The following MAP2 variants were observed in gnomAD, a reference collection of about 807,000 sequenced individuals.
The protein encoded by MAP2 is microtubule-associated protein 2.
MAP2 carries 14 observed loss-of-function variants against 137.6 expected under a neutral mutation model. The ratio of observed to expected loss-of-function variants is 0.10; its 90% CI spans 0.07 to 0.16. The LOEUF is 0.16. Among genes scored for constraint, MAP2 ranks in the 10% least tolerant of loss-of-function variants. The pLI, the probability that MAP2 is intolerant of heterozygous loss-of-function variation, is 1.00. For synonymous variants in MAP2, 786 were observed against 782.3 expected, an observed-to-expected ratio of 1.00 and a Z score of -0.08; for missense variants, 2,088 against 2,191.5, an observed-to-expected ratio of 0.95 and a Z score of 0.94.
chr2:209,664,826 G>C (rs1464044029), intron 5 of MAP2, among the ~76,000 whole-genome samples: 1 of 151,792 alleles, frequency 6.6e-6, no homozygotes, highest in Non-Finnish European at 1.5e-5. Context: ...TAGGCTTGGT[G>C]GTGCATGCCT....
intron 2 of MAP2, among the ~76,000 whole-genome samples, chr2:209,538,530 G>A (rs1233707372): frequency 2.1e-5 from 3 of 146,278 alleles, no homozygotes; most frequent in African/African-American, 7.6e-5. Flanking sequence ...ACGGACAGAA[G>A]AGTCCTTTTT....
intron 1 of MAP2, among the ~76,000 whole-genome samples, chr2:209,475,353 A>G (rs926224216): frequency 1.3e-5 from 2 of 152,092 alleles, no homozygotes; most frequent in Admixed American, 6.6e-5. Context: ...AAGCCACTGT[A>G]TACAACTCTG....
intron 2 of MAP2, among the ~76,000 whole-genome samples, chr2:209,539,325 G>T (rs549034608): frequency 6.6e-6 from 1 of 152,164 alleles, no homozygotes; most frequent in African/African-American, 2.4e-5. Context: ...GTAGTGAATT[G>T]TTGGGTCTAA....
intron 1 of MAP2, among the ~76,000 whole-genome samples, chr2:209,470,800 G>A (rs1559203883): frequency 1.3e-5 from 2 of 152,062 alleles, no homozygotes; most frequent in Admixed American, 1.3e-4. Context: ...AATACTGAAA[G>A]GGAACACCTT....
intron 4 of MAP2, among the ~76,000 whole-genome samples, chr2:209,647,886 G>C (rs1355193833): frequency 6.6e-6 from 1 of 152,044 alleles, no homozygotes; most frequent in Non-Finnish European, 1.5e-5. Flanking sequence ...CAAATATCAA[G>C]ACAAAATTGT....
chr2:209,461,588 T>G (rs1384259355), intron 1 of MAP2, among the ~76,000 whole-genome samples: 1 of 152,254 alleles, frequency 6.6e-6, no homozygotes, highest in East Asian at 1.9e-4. Context: ...CCTGAGTAGC[T>G]GGGAGCATGT....
chr2:209,576,188 G>A (rs1213817788), intron 2 of MAP2, among the ~76,000 whole-genome samples: 1 of 152,158 alleles, frequency 6.6e-6, no homozygotes, highest in Non-Finnish European at 1.5e-5. Context: ...TGGAGTCATA[G>A]TATCTCATCA....
chr2:209,510,696 A>G (rs1167773018), intron 2 of MAP2, among the ~76,000 whole-genome samples: 1 of 152,074 alleles, frequency 6.6e-6, no homozygotes, highest in East Asian at 1.9e-4. Flanking sequence ...GATGCTTGTA[A>G]AGGAATACTC....
chr2:209,474,722 G>A (rs4673481), intron 1 of MAP2, among the ~76,000 whole-genome samples: 81,068 of 151,708 alleles, frequency 0.53, 22,481 homozygotes, highest in Middle Eastern at 0.62. Context: ...CTTAAAGCTC[G>A]AAATGGGTGA....
intron 2 of MAP2, among the ~76,000 whole-genome samples, chr2:209,537,748 G>A (rs911148882): frequency 6.6e-6 from 1 of 152,156 alleles, no homozygotes; most frequent in Admixed American, 6.5e-5. Context: ...GACTTAGAGT[G>A]AAGACTCTCT....
Position 209,694,074 on chromosome 2 carries a change from C to T in MAP2, c.1904C>T (p.Ala635Val). ...CAGCCCAGTCCTCCAGCACAAGAAG[C>T]AGGGTACAGCACTCTCGCACAGAGT... Reference protein sequence around the residue: ...ESQPSPPAQEAGYSTLAQSYP... With the variant: ...ESQPSPPAQEVGYSTLAQSYP... Residue 635 changes from alanine (A) to valine (V), a missense_variant, in exon 8 of 16, where the codon GCA (alanine) becomes GTA (valine). This residue lies in a region of MAP2 where 859 missense variants were observed against 794.5 expected (regional missense o/e 1.08). Transcript: ENST00000682079. The T allele has an allele frequency of 1.9e-6, 3 of 1,613,014 alleles. No individual in the cohort carries two copies. The highest frequency in any genetic ancestry group is 2.5e-6 in the Non-Finnish European group (3 of 1,179,644).
At chr2:209,479,926 C>T (rs1182595989) in intron 1 of MAP2, among the ~76,000 whole-genome samples, 1 of 152,126 alleles carries the variant, frequency 6.6e-6, no homozygotes, top group African/African-American at 2.4e-5. Context: ...TGGTTTTGCA[C>T]AACTGAGCCT....
intron 2 of MAP2, among the ~76,000 whole-genome samples, chr2:209,555,919 A>G (rs2070451895): frequency 6.6e-6 from 1 of 151,910 alleles, no homozygotes; most frequent in African/African-American, 2.4e-5. Flanking sequence ...AAGACAGCCT[A>G]GTGGTTGTGT....
At chr2:209,484,458 G>A (rs1410451996) in intron 1 of MAP2, among the ~76,000 whole-genome samples, 3 of 152,304 alleles carry the variant, frequency 2.0e-5, no homozygotes, top group South Asian at 2.1e-4. Flanking sequence ...TTGGGAGGCC[G>A]AGGTGGGTCA....
intron 2 of MAP2, among the ~76,000 whole-genome samples, chr2:209,551,673 A>T (rs2069197464): frequency 6.6e-6 from 1 of 152,130 alleles, no homozygotes; most frequent in South Asian, 2.1e-4. Flanking sequence ...AATTTCTATG[A>T]TTTGAGCAAG....
chr2:209,623,418 C>T (rs1387132345), intron 3 of MAP2, among the ~76,000 whole-genome samples: 1 of 152,036 alleles, frequency 6.6e-6, no homozygotes, highest in Non-Finnish European at 1.5e-5. Flanking sequence ...ACACACTTAT[C>T]CATATGCATA....
intron 4 of MAP2, among the ~76,000 whole-genome samples, chr2:209,644,272 CTAT>C (rs1312422103): frequency 6.6e-6 from 1 of 152,128 alleles, no homozygotes; most frequent in Non-Finnish European, 1.5e-5. Flanking sequence ...CATGTGGTTT[CTAT>C]TATGATTACT....
intron 1 of MAP2, among the ~76,000 whole-genome samples, chr2:209,494,052 G>A (rs575063021): frequency 6.6e-6 from 1 of 152,280 alleles, no homozygotes; most frequent in African/African-American, 2.4e-5. Flanking sequence ...ATCAATGTTA[G>A]ACTGGATAAA....
At chr2:209,660,710 T>C (rs1398540550) in intron 5 of MAP2, among the ~76,000 whole-genome samples, 2 of 126,492 alleles carry the variant, frequency 1.6e-5, no homozygotes, top group African/African-American at 6.4e-5. Flanking sequence ...CAATTATTAT[T>C]ATTATTATTA....
Sources: gnomAD v4.1 joint callset for allele counts (sites outside exome capture counted in the v4.1 genomes callset) on GRCh38, gnomAD v4.1.1 for gene constraint, gnomAD v4.1.1 regional missense constraint, MANE v1.5 for transcripts, NCBI Gene and HGNC (gene_info 2026-07-23, HGNC 2026-07-21) for gene names.